PEX1: variants seen among roughly 807,000 people sequenced by gnomAD.
The protein encoded by PEX1 is peroxisomal ATPase PEX1.
In PEX1, 97 loss-of-function variants were observed where a neutral mutation model predicts 152.5. The observed-to-expected ratio is 0.64, with a 90% CI of 0.54 to 0.75. PEX1 has a LOEUF of 0.75. Among genes scored for constraint, PEX1 ranks in the 30% least tolerant of loss-of-function variants. PEX1 has a pLI of 0.00. For missense variants in PEX1, 1,357 were observed against 1,516.3 expected, an observed-to-expected ratio of 0.89 and a Z score of 1.74; for synonymous variants, 485 against 531.6, an observed-to-expected ratio of 0.91 and a Z score of 1.21.
At chr7:92,506,779 G>A (rs185939379) in intron 10 of PEX1, 2 of 584,566 alleles carry the variant, frequency 3.4e-6, no homozygotes, top group African/African-American at 1.9e-5. Context: ...AAAGGGCATG[G>A]AGAACATCAG....
At chr7:92,526,573 G>A (rs1261786121) in intron 1 of PEX1, among the ~76,000 whole-genome samples, 1 of 152,142 alleles carries the variant, frequency 6.6e-6, no homozygotes, top group Non-Finnish European at 1.5e-5. Flanking sequence ...TATTTTCAAC[G>A]TCTGATTAAA....
intron 9 of PEX1, among the ~76,000 whole-genome samples, chr7:92,508,691 G>T (rs1295977319): frequency 6.6e-6 from 1 of 152,080 alleles, no homozygotes; most frequent in Non-Finnish European, 1.5e-5. Context: ...CTTCTGTGGA[G>T]ACTTCTAAGA....
chr7:92,501,536 G>A lies in PEX1; in HGVS notation c.2554C>T (p.Leu852Phe), dbSNP rs202090176. ...IGGLHEVRQI[L>F]MDTIQLPAKY... ...GCAGGTAACTGGATAGTATCCATGA[G>A]TATCTGCCTAACTTCATGTAACCCA... Residue 852 changes from leucine (L) to phenylalanine (F), a missense_variant, in exon 15 of 24, where the codon CTC becomes TTC. Physicochemically the swap from Leu to Phe is conservative, Grantham distance 22. Coordinates refer to ENST00000248633, the MANE Select transcript of PEX1 (RefSeq NM_000466.3). 4 of 1,613,606 alleles carry A rather than the reference G, an allele frequency of 2.5e-6. No individual in the cohort carries two copies. The highest frequency in any genetic ancestry group is 1.1e-5 in the South Asian group (1 of 91,070).
intron 1 of PEX1, among the ~76,000 whole-genome samples, chr7:92,526,908 T>C (rs1242419544): frequency 2.0e-5 from 3 of 152,330 alleles, no homozygotes; most frequent in East Asian, 3.9e-4. Flanking sequence ...TAATTTTCCA[T>C]GCTTTCCAAA....
intron 3 of PEX1, 90 bp downstream of exon 3, chr7:92,518,905 T>A: frequency 1.0e-6 from 1 of 968,618 alleles, no homozygotes. Flanking sequence ...CAACTCAGAA[T>A]ATATAATAAA....
In PEX1 at chr7:92,493,086, G is replaced by C; in HGVS notation, c.3074C>G (p.Pro1025Arg). The stretch of plus-strand genomic sequence containing the variant: ...CTGAAGGTCAACATCATCTGCCAGA[G>C]GTAGAGAGTCACTGAGGACATTTAA... Reference protein sequence around the residue: ...EILNVLSDSLPLADDVDLQHV... With the variant: ...EILNVLSDSLRLADDVDLQHV... The change falls in exon 20 of 24, where the codon CCT becomes CGT. Residue 1025 changes from proline (P) to arginine (R), a missense_variant. Transcript: ENST00000248633. 1 of 1,612,188 alleles carries C rather than the reference G, an allele frequency of 6.2e-7. No homozygotes were observed.
intron 1 of PEX1, among the ~76,000 whole-genome samples, chr7:92,523,328 T>TC (rs1793131139): frequency 6.7e-6 from 1 of 148,912 alleles, no homozygotes; most frequent in Admixed American, 6.7e-5. Flanking sequence ...TTTTCGAACT[T>TC]TTTTTTTTTT....
chr7:92,503,319 C>A, intron 12 of PEX1, 124 bp from the exon 13 acceptor site: 1 of 782,882 alleles, frequency 1.3e-6, no homozygotes, highest in South Asian at 1.6e-5. Context: ...TATGGTATCG[C>A]TCTTTCATGT....
At chr7:92,489,490 T>C in intron 22 of PEX1, 67 bp from the exon 23 acceptor site, 1 of 1,371,100 alleles carries the variant, frequency 7.3e-7, no homozygotes, top group Non-Finnish European at 1.0e-6. Flanking sequence ...GGTAGTCCAG[T>C]TGTTACTTCT....
rs1792602069 is a variant in PEX1 at position 92,513,945 on chromosome 7, C to G, written c.1262G>C (p.Arg421Thr). 1 of 1,580,340 alleles carries G rather than the reference C, an allele frequency of 6.3e-7. No individual in the cohort carries two copies. Among genetic ancestry groups the G allele is most frequent in the South Asian group, 1.1e-5 (1 of 89,516 alleles). The change falls in exon 6 of 24, where the codon AGA becomes ACA. Residue 421 changes from arginine (R) to threonine (T), a missense_variant. Transcript: ENST00000248633. ...TACGGCATGCATTTCTATATTTAGT[C>G]TCTTCCTCAGGTCATCTGGAATCTG... ...KVWIPDDLRK[R>T]LNIEMHAVVR...
chr7:92,521,589 CA>C (rs1793052494), intron 2 of PEX1, among the ~76,000 whole-genome samples: 1 of 152,024 alleles, frequency 6.6e-6, no homozygotes. Context: ...CACCTGCCAC[CA>C]TGCCCAGCTA....
In PEX1 at chr7:92,528,244, G is replaced by A; in HGVS notation, c.129+63C>T. 3 of 1,540,356 alleles carry A rather than the reference G, an allele frequency of 1.9e-6. 1 individual carries two copies. The highest frequency in any genetic ancestry group is 2.4e-5 in the South Asian group (2 of 83,800). ...GCAGCCGGTGTCCCGCCGCGTCCCTGAGAGGCTTCGGCCTCGTCCGACCCC... is the reference window on the plus strand; with the variant it reads ...GCAGCCGGTGTCCCGCCGCGTCCCTAAGAGGCTTCGGCCTCGTCCGACCCC... On this transcript the variant is annotated intron_variant, in intron 1 of 23. Coordinates refer to ENST00000248633, the MANE Select transcript of PEX1 (RefSeq NM_000466.3).
At chr7:92,520,239 A>G (rs1042697160) in intron 2 of PEX1, among the ~76,000 whole-genome samples, 2 of 152,208 alleles carry the variant, frequency 1.3e-5, no homozygotes, top group Admixed American at 1.3e-4. Context: ...GCAGAACTGT[A>G]ACCTGCTAAG....
In PEX1 at chr7:92,507,107, C is replaced by T. The variant is rs183965018; in HGVS notation, c.1690G>A (p.Val564Ile). Residue 564 changes from valine (V) to isoleucine (I), a missense_variant, in exon 10 of 24, where the codon GTA becomes ATA. Transcript: ENST00000248633. ...TGAGTGATGTGCTCCAAGGAGGATA[C>T]GCCTAAGGAATTCACTCCTCTGTAA... is the stretch of plus-strand genomic sequence containing the variant. ...SSLGGVNSLG[V>I]SSLEHITHSL... The T allele has an allele frequency of 5.0e-5, 80 of 1,613,518 alleles. No homozygotes were observed. Among genetic ancestry groups the T allele is most frequent in the East Asian group, 1.6e-4 (7 of 44,876 alleles).
chr7:92,522,175 C>T lies in PEX1; in HGVS notation c.200G>A (p.Ser67Asn). The T allele has an allele frequency of 6.2e-7, 1 of 1,614,120 alleles. No individual in the cohort carries two copies. The highest frequency in any genetic ancestry group is 8.5e-7 in the Non-Finnish European group (1 of 1,179,980). The stretch of plus-strand genomic sequence containing the variant: ...TTCAGCCACATTTTCACCTTGATCA[C>T]TAAAATGCCTGCCTTCCACCCAGCT... ...FLSWVEGRHF[S>N]DQGENVAEIN... Residue 67 changes from serine to asparagine, a missense_variant, in exon 2 of 24, where the codon AGT becomes AAT. Ser to Asn is a conservative substitution (Grantham distance 46, BLOSUM62 1). Transcript: ENST00000248633.
chr7:92,487,470 A>T lies in PEX1; in HGVS notation c.3839T>A (p.Val1280Glu), dbSNP rs765142376. 4 of 1,578,326 alleles carry T rather than the reference A, an allele frequency of 2.5e-6. No individual in the cohort carries two copies. The highest frequency in any genetic ancestry group is 1.3e-5 in the African/African-American group (1 of 74,258). Residue 1280 changes from valine to glutamate, a missense_variant, in exon 24 of 24, where the codon GTA becomes GAA. Coordinates refer to ENST00000248633, the MANE Select transcript of PEX1 (RefSeq NM_000466.3). ...SGTMFRPGQK[V>E]TLA ...AAGAAGTATATTTTATGCTAAAGTT[A>T]CTTTCTGTCCAGGTCGAAACATTGT...
intron 1 of PEX1, among the ~76,000 whole-genome samples, chr7:92,527,579 T>C (rs1793340673): frequency 6.6e-6 from 1 of 152,188 alleles, no homozygotes; most frequent in South Asian, 2.1e-4. Flanking sequence ...GTACCATGCA[T>C]CCAGGATTTA....
In PEX1 at chr7:92,511,666, A is replaced by C. The variant is rs1040716320; in HGVS notation, c.1397T>G (p.Phe466Cys). 3 of 1,612,330 alleles carry C rather than the reference A, an allele frequency of 1.9e-6. No homozygotes were observed. Among genetic ancestry groups the C allele is most frequent in the Non-Finnish European group, 2.5e-6 (3 of 1,178,784 alleles). Residue 466 changes from phenylalanine (F) to cysteine (C), a missense_variant, in exon 7 of 24, where the codon TTT becomes TGT. Transcript: ENST00000248633. ...DISEEDIKTV[F>C]YSWLQQSTTT... Reference sequence around the variant, plus strand: ...AGTAGACTGCTGTAGCCATGAATAAAATACAGTTTTTATGTCTTCTTCACT... The same window carrying C: ...AGTAGACTGCTGTAGCCATGAATAACATACAGTTTTTATGTCTTCTTCACT...
At chr7:92,494,720 G>GT (rs1311594357) in intron 17 of PEX1, 91 bp from the exon 18 acceptor site, 3 of 943,458 alleles carry the variant, frequency 3.2e-6, no homozygotes, top group Non-Finnish European at 4.7e-6. Context: ...TTTATTTTAT[G>GT]TATTTATATA....
Sources: allele counts gnomAD v4.1 joint callset (sites outside exome capture counted in the v4.1 genomes callset), GRCh38; gene constraint gnomAD v4.1.1; transcripts MANE v1.5; gene names NCBI Gene and HGNC (gene_info 2026-07-23, HGNC 2026-07-21).